AHCYL2: variants seen among roughly 807,000 people sequenced by gnomAD.
The protein encoded by AHCYL2 is S-adenosylhomocysteine hydrolase-like protein 2.
In AHCYL2, 28 loss-of-function variants were observed where a neutral mutation model predicts 81.4. That is an observed-to-expected ratio of 0.34 (90% CI 0.25 to 0.47). The LOEUF is 0.47. AHCYL2 is among the 20% of genes least tolerant of loss of function. The probability of loss-of-function intolerance (pLI) is 1.00; values close to 1 mark genes in which losing one functional copy is unlikely to be tolerated. For synonymous variants in AHCYL2, 272 were observed against 290.2 expected (o/e 0.94, Z 0.64); for missense variants, 551 against 785.1 (o/e 0.70, Z 3.56).
intron 1 of AHCYL2, among the ~76,000 whole-genome samples, chr7:129,323,424 T>C (rs1183701211): frequency 6.6e-6 from 1 of 152,196 alleles, no homozygotes; most frequent in Non-Finnish European, 1.5e-5. Context: ...GAACATACTT[T>C]GTATGACTTG....
chr7:129,322,033 C>A (rs1276577481), intron 1 of AHCYL2, among the ~76,000 whole-genome samples: 2 of 151,716 alleles, frequency 1.3e-5, no homozygotes, highest in Non-Finnish European at 2.9e-5. Flanking sequence ...GCCTTGGCCC[C>A]CCAAAGTGCT....
In AHCYL2 at chr7:129,321,778, T is replaced by C. The variant is rs562424668; in HGVS notation, c.364-57860T>C. Among the ~76,000 whole-genome samples the C allele has an allele frequency of 2.1e-3, 304 of 145,744 alleles. 7 individuals are homozygous for C. The highest frequency in any genetic ancestry group is 3.4e-3 in the Middle Eastern group (1 of 290). ...TTTTTTTTTTTTGGTCTTGGTTTTG[T>C]TTTTGTTTTTTTTTTCAGACGGAGT... On this transcript the variant is annotated intron_variant, in intron 1 of 16. Coordinates refer to ENST00000325006, the MANE Select transcript of AHCYL2 (RefSeq NM_015328.4).
rs112999126 is a variant in AHCYL2, at chr7:129,340,749, C to T, written c.364-38889C>T. Among the ~76,000 whole-genome samples, 893 of 152,056 alleles carry T rather than the reference C, an allele frequency of 5.9e-3. 11 individuals carry two copies. The highest frequency in any genetic ancestry group is 0.021 in the African/African-American group (860 of 41,496). ...ATGAATTGTTGAATTTTATCAAATG[C>T]TTTTTCTATATCTATTGAGATCATA... On this transcript the variant is annotated intron_variant, in intron 1 of 16. Transcript: ENST00000325006.
intron 1 of AHCYL2, among the ~76,000 whole-genome samples, chr7:129,260,673 G>A (rs184229150): frequency 6.6e-6 from 1 of 152,208 alleles, no homozygotes; most frequent in Admixed American, 6.5e-5. Flanking sequence ...TCAGGTCACT[G>A]TACTGTTATT....
intron 1 of AHCYL2, among the ~76,000 whole-genome samples, chr7:129,273,729 A>C (rs887801056): frequency 6.6e-6 from 1 of 152,176 alleles, no homozygotes; most frequent in African/African-American, 2.4e-5. Flanking sequence ...ACTATGTTAA[A>C]CAATAGGGCT....
chr7:129,321,265 G>A (rs1798003630), intron 1 of AHCYL2, among the ~76,000 whole-genome samples: 1 of 152,096 alleles, frequency 6.6e-6, no homozygotes, highest in South Asian at 2.1e-4. Context: ...AAAGCATTCA[G>A]TTTTTCATCC....
intron 1 of AHCYL2, among the ~76,000 whole-genome samples, chr7:129,308,745 A>G (rs937090578): frequency 3.9e-5 from 6 of 152,232 alleles, no homozygotes; most frequent in Non-Finnish European, 8.8e-5. Flanking sequence ...AAAAGAAACT[A>G]TCATTACAAC....
chr7:129,339,241 C>G (rs1584798845), intron 1 of AHCYL2, among the ~76,000 whole-genome samples: 1 of 152,196 alleles, frequency 6.6e-6, no homozygotes, highest in Non-Finnish European at 1.5e-5. Flanking sequence ...AACAGACACT[C>G]ATACGTTCAT....
rs1467219758 is a variant in AHCYL2 at position 129,406,235 on chromosome 7, GTTC to G, written c.1207-138_1207-136del. On this transcript the variant is annotated intron_variant, in intron 9 of 16. Coordinates refer to ENST00000325006, the MANE Select transcript of AHCYL2 (RefSeq NM_015328.4). This position sits in a 1 kb window ranked among gnomAD's most constrained non-coding sequence, Gnocchi z 4.3. The stretch of plus-strand genomic sequence containing the variant: ...GTTTATGAGCTGCATTCAATTATTT[GTTC>G]TTCTCGTTTTCCCCAAGTATGAATC... The G allele has an allele frequency of 5.7e-6, 4 of 707,274 alleles. No individual in the cohort carries two copies. Among genetic ancestry groups the G allele is most frequent in the East Asian group, 5.4e-5 (2 of 37,128 alleles). 43.8% of individuals were successfully genotyped at this position (707,274 alleles called of 1,614,324 possible). A position where few individuals can be genotyped will look rare whatever the true frequency, so the allele number is the denominator to read the frequency against.
chr7:129,243,574 GTTTTT>G (rs1473049139), intron 1 of AHCYL2, among the ~76,000 whole-genome samples: 1 of 85,080 alleles, frequency 1.2e-5, no homozygotes, highest in Non-Finnish European at 3.2e-5. Flanking sequence ...GTTTGTTTTT[GTTTTT>G]GTTTTGTTTT....
At chr7:129,241,584 C>T (rs576554255) in intron 1 of AHCYL2, among the ~76,000 whole-genome samples, 16 of 151,832 alleles carry the variant, frequency 1.1e-4, no homozygotes, top group South Asian at 2.1e-4. Context: ...GAGTGAGACT[C>T]CATCTCAAAA....
Position 129,422,863 on chromosome 7 carries a change from G to C in AHCYL2, c.1485G>C (p.Leu495=). The change falls in exon 13 of 17, where the codon CTG becomes CTC. Residue 495 remains leucine, a synonymous_variant. Coordinates refer to ENST00000325006, the MANE Select transcript of AHCYL2 (RefSeq NM_015328.4). ...AGGCGAGTCTGCGGACACCAGAACT[G>C]ACCTGGGAGCGAGTGAGATCTCAAG... ...IDVASLRTPE[L]TWERVRSQVD... 1 of 1,614,162 alleles carries C rather than the reference G, an allele frequency of 6.2e-7. No homozygotes were observed. Among genetic ancestry groups the C allele is most frequent in the South Asian group, 1.1e-5 (1 of 91,080 alleles).
intron 11 of AHCYL2, among the ~76,000 whole-genome samples, chr7:129,411,759 C>CAAA (rs34771912): frequency 9.3e-6 from 1 of 107,370 alleles, no homozygotes; most frequent in Admixed American, 9.0e-5. Context: ...AACTCCTTCT[C>CAAA]AAAAAAAAAA....
At chr7:129,252,580 A>T (rs955686374) in intron 1 of AHCYL2, among the ~76,000 whole-genome samples, 1 of 152,310 alleles carries the variant, frequency 6.6e-6, no homozygotes, top group East Asian at 1.9e-4. Context: ...CAGCCTAAGC[A>T]ACATAGTGAG....
Position 129,368,627 on chromosome 7 carries a change from G to GATCA in AHCYL2, c.364-11010_364-11007dup. 1 of 1,547,342 alleles carries GATCA rather than the reference G, an allele frequency of 6.5e-7. No individual in the cohort carries two copies. Among genetic ancestry groups the GATCA allele is most frequent in the Admixed American group, 1.7e-5 (1 of 59,756 alleles). On this transcript the variant is annotated intron_variant, in intron 1 of 16. Transcript: ENST00000325006. This position sits in a 1 kb window ranked among gnomAD's most constrained non-coding sequence, Gnocchi z 4.4. ...GCAACCATTTCTGACGGGTGACAAG[G>GATCA]ATCACCTCTGAGAAGCTCCTACCAA... is the stretch of plus-strand genomic sequence containing the variant.
At chr7:129,321,744 T>TTTTTTTTTTTTTTTTTTTTG (rs1798029192) in intron 1 of AHCYL2, among the ~76,000 whole-genome samples, 1 of 29,456 alleles carries the variant, frequency 3.4e-5, no homozygotes. Flanking sequence ...TCTTTCTTTG[T>TTTTTTTTTTTTTTTTTTTTG]TTTTTTTTTT....
chr7:129,403,588 G>A (rs998868189), intron 7 of AHCYL2, 103 bp downstream of exon 7: 1 of 716,592 alleles, frequency 1.4e-6, no homozygotes, highest in African/African-American at 1.9e-5. Flanking sequence ...CCTGGGCCAG[G>A]CGCGGTGGCT....
chr7:129,246,035 C>G lies in AHCYL2; in HGVS notation c.363+20596C>G, dbSNP rs189341395. ...ATTTCGTTTTTTGATAATAGTCATC[C>G]TAATAGGTGTGAAGTATGTTGGATT... is the stretch of plus-strand genomic sequence containing the variant. On this transcript the variant is annotated intron_variant, in intron 1 of 16. Coordinates refer to ENST00000325006, the MANE Select transcript of AHCYL2 (RefSeq NM_015328.4). 1.4e-3 allele frequency among the ~76,000 whole-genome samples: 218 copies of G among 151,596 alleles called. 1 individual carries two copies. Among genetic ancestry groups the G allele is most frequent in the African/African-American group, 4.9e-3 (203 of 41,378 alleles).
chr7:129,273,321 C>CTTTTTTTTTTTTTTTTTTT (rs35236990), intron 1 of AHCYL2, among the ~76,000 whole-genome samples: 1 of 75,888 alleles, frequency 1.3e-5, no homozygotes, highest in African/African-American at 5.4e-5. Flanking sequence ...TTTGCTAAGA[C>CTTTTTTTTTTTTTTTTTTT]TTTTTTTTTT....
Sources: allele counts gnomAD v4.1 joint callset (sites outside exome capture counted in the v4.1 genomes callset), GRCh38; gene constraint gnomAD v4.1.1; non-coding constraint Gnocchi (gnomAD v3.1); transcripts MANE v1.5; gene names NCBI Gene and HGNC (gene_info 2026-07-23, HGNC 2026-07-21).